Variants in GABRB3 observed in about 807,000 individuals in gnomAD.
The protein encoded by GABRB3 is gamma-aminobutyric acid type A receptor subunit beta3.
A neutral mutation model predicts 52.1 loss-of-function variants in GABRB3; 14 were observed. The observed-to-expected ratio is 0.27, with a 90% confidence interval of 0.18 to 0.42. The LOEUF (loss-of-function observed/expected upper bound fraction) is 0.42, where lower values mean the gene tolerates loss of function less well. GABRB3 is among the 10% of genes least tolerant of loss of function. GABRB3 has a pLI of 1.00. For synonymous variants in GABRB3, 260 were observed against 232.3 expected, an observed-to-expected ratio of 1.12 and a Z score of -1.08; for missense variants, 307 against 609.1, an observed-to-expected ratio of 0.50 and a Z score of 5.22.
chr15:26,764,223 T>C (rs1421610436), intron 3 of GABRB3, among the ~76,000 whole-genome samples: 2 of 107,038 alleles, frequency 1.9e-5, no homozygotes, highest in African/African-American at 7.7e-5. Flanking sequence ...TATATATATA[T>C]ATATATATAT....
intron 4 of GABRB3, among the ~76,000 whole-genome samples, chr15:26,586,855 G>A (rs573163269): frequency 2.8e-4 from 43 of 152,120 alleles, no homozygotes; most frequent in Non-Finnish European, 4.9e-4. Flanking sequence ...TGAACTTATA[G>A]AAGTAGAGAG....
Position 26,609,718 on chromosome 15 carries a change from T to C in GABRB3, c.461+11596A>G, listed in dbSNP as rs79324953. The stretch of plus-strand genomic sequence containing the variant: ...TATTTTTAAGTTCTATTGAAGAGCA[T>C]GGTGAATATAGTTAATAATAGAGTT... On this transcript the variant is annotated intron_variant, in intron 4 of 8. Transcript: ENST00000311550. 8.4e-3 allele frequency among the ~76,000 whole-genome samples: 1,276 copies of C among 152,300 alleles called. 19 individuals carry two copies. Among genetic ancestry groups the C allele is most frequent in the African/African-American group, 0.029 (1,213 of 41,574 alleles).
intron 3 of GABRB3, among the ~76,000 whole-genome samples, chr15:26,743,566 G>C (rs1043426565): frequency 6.6e-6 from 1 of 152,148 alleles, no homozygotes; most frequent in African/African-American, 2.4e-5. Context: ...TTCACATAAA[G>C]GTTTCATTAG....
intron 3 of GABRB3, among the ~76,000 whole-genome samples, chr15:26,641,893 CTT>C (rs1052165668): frequency 1.7e-4 from 25 of 144,700 alleles, no homozygotes; most frequent in Admixed American, 2.1e-4. Context: ...TCTTCTCTTT[CTT>C]TTTTTTTTTT....
chr15:26,766,924 T>C (rs148096677), intron 3 of GABRB3, among the ~76,000 whole-genome samples: 1 of 152,162 alleles, frequency 6.6e-6, no homozygotes, highest in Admixed American at 6.5e-5. Flanking sequence ...ACAACCTTCC[T>C]GAGGGGAAAG....
chr15:26,554,160 A>ATATATATATATAT (rs1567097351), intron 8 of GABRB3, among the ~76,000 whole-genome samples: 4 of 20,808 alleles, frequency 1.9e-4, no homozygotes, highest in African/African-American at 7.0e-4. Context: ...ATATATATAA[A>ATATATATATATAT]GTATATATAT....
chr15:26,601,801 T>C (rs1396117427), intron 4 of GABRB3, among the ~76,000 whole-genome samples: 1 of 151,880 alleles, frequency 6.6e-6, no homozygotes, highest in African/African-American at 2.4e-5. Flanking sequence ...ATCATACTAC[T>C]AGAGCAAATC....
At chr15:26,738,813 C>G (rs1034260007) in intron 3 of GABRB3, among the ~76,000 whole-genome samples, 2 of 152,116 alleles carry the variant, frequency 1.3e-5, no homozygotes, top group Admixed American at 1.3e-4. Flanking sequence ...TGAGCTATCT[C>G]AGCCTGAGGG....
At chr15:26,666,482 C>T (rs1183620184) in intron 3 of GABRB3, 1 of 152,182 alleles carries the variant, frequency 6.6e-6, no homozygotes, top group Admixed American at 6.5e-5. Flanking sequence ...CCAGGCTTGT[C>T]ACGAGCCATT....
intron 3 of GABRB3, among the ~76,000 whole-genome samples, chr15:26,714,839 C>A (rs1016664046): frequency 6.6e-6 from 1 of 152,136 alleles, no homozygotes; most frequent in Admixed American, 6.5e-5. Context: ...AGGACTGTCT[C>A]AATGAACAGC....
At chr15:26,619,218 C>T (rs570039274) in intron 4 of GABRB3, among the ~76,000 whole-genome samples, 54 of 151,864 alleles carry the variant, frequency 3.6e-4, no homozygotes, top group Non-Finnish European at 6.6e-4. Flanking sequence ...CACATGCACA[C>T]GTATGTTTAT....
At chr15:26,760,659 A>G (rs1890790955) in intron 3 of GABRB3, among the ~76,000 whole-genome samples, 1 of 152,076 alleles carries the variant, frequency 6.6e-6, no homozygotes, top group Non-Finnish European at 1.5e-5. Context: ...CATAAGGAGA[A>G]AAAGAAAGAT....
intron 3 of GABRB3, among the ~76,000 whole-genome samples, chr15:26,637,791 T>C (rs141819590): frequency 6.2e-4 from 95 of 152,304 alleles, no homozygotes; most frequent in African/African-American, 2.1e-3. Flanking sequence ...GTTTGATAGT[T>C]GGCGACCATT....
chr15:26,587,971 G>C (rs945078870), intron 4 of GABRB3, among the ~76,000 whole-genome samples: 14 of 152,100 alleles, frequency 9.2e-5, no homozygotes, highest in African/African-American at 3.1e-4. Flanking sequence ...GGCTCTCTCA[G>C]TATTACTCTT....
chr15:26,662,573 G>A (rs1054099827), intron 3 of GABRB3, among the ~76,000 whole-genome samples: 12 of 152,140 alleles, frequency 7.9e-5, no homozygotes, highest in Non-Finnish European at 1.3e-4. Flanking sequence ...TCCATGCCAC[G>A]GTGCCTCTGC....
At chr15:26,565,749 C>T (rs770660927) in intron 7 of GABRB3, among the ~76,000 whole-genome samples, 1 of 152,098 alleles carries the variant, frequency 6.6e-6, no homozygotes, top group Non-Finnish European at 1.5e-5. Context: ...GTACACCCCA[C>T]CCCTTGTGAT....
chr15:26,607,934 G>A (rs1372403937), intron 4 of GABRB3, among the ~76,000 whole-genome samples: 1 of 151,918 alleles, frequency 6.6e-6, no homozygotes, highest in African/African-American at 2.4e-5. Context: ...TCAAAATTCT[G>A]ATGTAGTTTT....
intron 4 of GABRB3, 141 bp from the exon 5 acceptor site, chr15:26,583,555 G>A: frequency 1.5e-6 from 1 of 657,046 alleles, no homozygotes; most frequent in Non-Finnish European, 2.8e-6. Flanking sequence ...TATATATAGA[G>A]AGAAACTTGA....
chr15:26,601,608 A>G (rs1396799356), intron 4 of GABRB3, among the ~76,000 whole-genome samples: 2 of 152,184 alleles, frequency 1.3e-5, no homozygotes, highest in Non-Finnish European at 2.9e-5. Flanking sequence ...AAAAAGAGAA[A>G]TAACAAAAAG....
Sources: allele counts gnomAD v4.1 joint callset (sites outside exome capture counted in the v4.1 genomes callset), GRCh38; gene constraint gnomAD v4.1.1; transcripts MANE v1.5; gene names NCBI Gene and HGNC (gene_info 2026-07-23, HGNC 2026-07-21).